Variants in USP19 observed in about 807,000 individuals in gnomAD.
USP19 encodes the protein ubiquitin specific peptidase 19, also known as ubiquitin carboxyl-terminal hydrolase 19.
USP19 carries 40 observed loss-of-function variants against 144.8 expected under a neutral mutation model. That is an observed-to-expected ratio of 0.28 (90% CI 0.21 to 0.36). The LOEUF (loss-of-function observed/expected upper bound fraction) is 0.36, where lower values mean the gene tolerates loss of function less well. USP19 is among the 10% of genes least tolerant of loss of function. USP19 has a pLI of 1.00. For synonymous variants in USP19, 701 were observed against 709.3 expected, an observed-to-expected ratio of 0.99 and a Z score of 0.19; for missense variants, 1,518 against 1,822.5, an observed-to-expected ratio of 0.83 and a Z score of 3.04.
At position 49,110,437 on chromosome 3, in the gene USP19, C is replaced by A; in HGVS notation, c.3859+7G>T. Reference sequence around the variant, plus strand: ...CCACCTATCCTGCTGGCTGTGTGTGCCCTCACCCACGTCACTGCGCTGACT... The same window carrying A: ...CCACCTATCCTGCTGGCTGTGTGTGACCTCACCCACGTCACTGCGCTGACT... On this transcript the variant is annotated splice_region_variant and intron_variant, in intron 25 of 26. Coordinates refer to ENST00000417901, the MANE Select transcript of USP19 (RefSeq NM_001199161.2). This position sits in a 1 kb window ranked among gnomAD's most constrained non-coding sequence, Gnocchi z 6.1. 6.2e-7 allele frequency: 1 copy of A among 1,613,250 alleles called. No homozygotes were observed. The highest frequency in any genetic ancestry group is 8.5e-7 in the Non-Finnish European group (1 of 1,179,510).
Position 49,110,623 on chromosome 3 carries a change from C to G in USP19, c.3699-19G>C. Reference sequence around the variant, plus strand: ...CAGGTTCCTGCAGGTCAGGTCCAGTCAGGGAGGGGTGAGACAGGCAACAGG... The same window carrying G: ...CAGGTTCCTGCAGGTCAGGTCCAGTGAGGGAGGGGTGAGACAGGCAACAGG... On this transcript the variant is annotated intron_variant, in intron 24 of 26. Coordinates refer to ENST00000417901, the MANE Select transcript of USP19 (RefSeq NM_001199161.2). The surrounding 1 kb of genome is among the most constrained non-coding windows in gnomAD (Gnocchi z 6.1). The G allele has an allele frequency of 6.2e-7, 1 of 1,613,104 alleles. No homozygotes were observed. The highest frequency in any genetic ancestry group is 8.5e-7 in the Non-Finnish European group (1 of 1,179,560).
At position 49,114,473 on chromosome 3, in the gene USP19, A is replaced by G. The variant is rs2043750412; in HGVS notation, c.2293-189T>C. 6.6e-6 allele frequency among the ~76,000 whole-genome samples: 1 copy of G among 152,134 alleles called. No individual in the cohort carries two copies. Among genetic ancestry groups the G allele is most frequent in the Admixed American group, 6.5e-5 (1 of 15,272 alleles). On this transcript the variant is annotated intron_variant, in intron 15 of 26. Transcript: ENST00000417901. This position sits in a 1 kb window ranked among gnomAD's most constrained non-coding sequence, Gnocchi z 4.5. ...GGAAATAACAATCCTTCTTTCTGGC[A>G]CTCAAAGCCCTACTCAGCTTAGCCA...
Position 49,116,504 on chromosome 3 carries a change from G to A in USP19, c.1230C>T (p.Asp410=), listed in dbSNP as rs767989983. ...GCTCACGGAAAAGTACTCTTGAGGT[G>A]TCCCTGCAGATCTCCTTCACGTACA... ...VHVYVKEICR[D]TSRVLFREQD... The change falls in exon 8 of 27, where the codon GAC becomes GAT. Residue 410 remains aspartate, a synonymous_variant. Coordinates refer to ENST00000417901, the MANE Select transcript of USP19 (RefSeq NM_001199161.2). The surrounding 1 kb of genome is among the most constrained non-coding windows in gnomAD (Gnocchi z 5.0). The A allele has an allele frequency of 1.9e-6, 3 of 1,614,104 alleles. No individual in the cohort carries two copies. The highest frequency in any genetic ancestry group is 2.5e-6 in the Non-Finnish European group (3 of 1,180,054).
chr3:49,113,846 G>C (rs951381966), intron 17 of USP19, 146 bp downstream of exon 17: 8 of 813,038 alleles, frequency 9.8e-6, no homozygotes, highest in African/African-American at 1.7e-5. Context: ...TGCCCACCTC[G>C]GCCTCACAAA....
chr3:49,116,055 G>A lies in USP19; in HGVS notation c.1463C>T (p.Ala488Val), dbSNP rs754379114. The change falls in exon 10 of 27, where the codon GCT becomes GTT. Residue 488 changes from alanine (A) to valine (V), a missense_variant. Ala to Val is a moderately conservative substitution (Grantham distance 64). Coordinates refer to ENST00000417901, the MANE Select transcript of USP19 (RefSeq NM_001199161.2). This position sits in a 1 kb window ranked among gnomAD's most constrained non-coding sequence, Gnocchi z 5.0. ...SQRWGGLEAP[A>V]ARGAVGGAKV... ...GGAGCTCGTGTGCAGACCTCGTGCA[G>A]CCGGGGCCTCCAGGCCCCCCCAGCG... 1.3e-6 allele frequency: 2 copies of A among 1,597,734 alleles called. No individual in the cohort carries two copies. Among genetic ancestry groups the A allele is most frequent in the East Asian group, 4.5e-5 (2 of 44,820 alleles).
At position 49,108,338 on chromosome 3, in the gene USP19, A is replaced by C; in HGVS notation, c.*74T>G. 1 of 489,722 alleles carries C rather than the reference A, an allele frequency of 2.0e-6. No homozygotes were observed. The highest frequency in any genetic ancestry group is 3.5e-6 in the Non-Finnish European group (1 of 286,074). The allele number at this position is 489,722 out of a possible 1,614,324, so 30.3% of individuals were successfully genotyped here. ...AGAGCCAGTGTCCTCTGGGTTAGAGAAGGAGAAGCGGCAAGGAGCTGGCCC... is the reference window on the plus strand; with the variant it reads ...AGAGCCAGTGTCCTCTGGGTTAGAGCAGGAGAAGCGGCAAGGAGCTGGCCC... On this transcript the variant is annotated 3_prime_UTR_variant, in exon 27 of 27. Coordinates refer to ENST00000417901, the MANE Select transcript of USP19 (RefSeq NM_001199161.2). The surrounding 1 kb of genome is among the most constrained non-coding windows in gnomAD (Gnocchi z 4.8).
At position 49,117,137 on chromosome 3, in the gene USP19, C is replaced by A; in HGVS notation, c.831G>T (p.Gly277=). The change falls in exon 6 of 27, where the codon GGG becomes GGT. Residue 277 remains glycine (G), a synonymous_variant. Coordinates refer to ENST00000417901, the MANE Select transcript of USP19 (RefSeq NM_001199161.2). This position sits in a 1 kb window ranked among gnomAD's most constrained non-coding sequence, Gnocchi z 4.4. ...SAKRAVHLCR[G]PEGDGSRDDP... ...CATCCCTGGACCCGTCCCCCTCTGG[C>A]CCTCTGCAGAGATGCACAGCCCTCT... 1 of 1,547,216 alleles carries A rather than the reference C, an allele frequency of 6.5e-7. No individual in the cohort carries two copies. The highest frequency in any genetic ancestry group is 8.7e-7 in the Non-Finnish European group (1 of 1,145,746).
At position 49,118,135 on chromosome 3, in the gene USP19, A is replaced by T; in HGVS notation, c.125-15T>A. 9.2e-7 allele frequency: 1 copy of T among 1,082,862 alleles called. No homozygotes were observed. Among genetic ancestry groups the T allele is most frequent in the Middle Eastern group, 2.7e-4 (1 of 3,764 alleles). The allele number at this position is 1,082,862 out of a possible 1,614,324, so 67.1% of individuals were successfully genotyped here. A position where few individuals can be genotyped will look rare whatever the true frequency, so the allele number is the denominator to read the frequency against. On this transcript the variant is annotated splice_polypyrimidine_tract_variant and intron_variant, in intron 2 of 26. Coordinates refer to ENST00000417901, the MANE Select transcript of USP19 (RefSeq NM_001199161.2). ...AGACCCTGTCTCTAAAAAAAAAATAAGAAAAATTAGTCAAGCATGGTGAGG... is the reference window on the plus strand; with the variant it reads ...AGACCCTGTCTCTAAAAAAAAAATATGAAAAATTAGTCAAGCATGGTGAGG...
rs1560014691 is a variant in USP19, at chr3:49,114,239, G to A, written c.2338C>T (p.Pro780Ser). 1 of 1,614,204 alleles carries A rather than the reference G, an allele frequency of 6.2e-7. No homozygotes were observed. Among genetic ancestry groups the A allele is most frequent in the Admixed American group, 1.7e-5 (1 of 60,028 alleles). Residue 780 changes from proline to serine, a missense_variant, in exon 16 of 27, where the codon CCA (proline) becomes TCA (serine). Pro to Ser is a moderately conservative substitution (Grantham distance 74). Around this residue, in one of 5 missense-constraint regions of USP19, gnomAD observed 413 missense variants for 515.8 expected, o/e 0.80. Transcript: ENST00000417901. The surrounding 1 kb of genome is among the most constrained non-coding windows in gnomAD (Gnocchi z 4.5). ...DPFLYLPVPLPQKQKVLPVFY... is the reference protein window; with the variant it reads ...DPFLYLPVPLSQKQKVLPVFY... ...ACAGGGAGAACCTTTTGCTTTTGTGGCAAGGGCACCGGCAGATAAAGAAAC... is the reference window on the plus strand; with the variant it reads ...ACAGGGAGAACCTTTTGCTTTTGTGACAAGGGCACCGGCAGATAAAGAAAC...
rs2043735184 is a variant in USP19, at chr3:49,114,414, C to T, written c.2293-130G>A. On this transcript the variant is annotated intron_variant, in intron 15 of 26. Transcript: ENST00000417901. The surrounding 1 kb of genome is among the most constrained non-coding windows in gnomAD (Gnocchi z 4.5). ...CACAGCCAACCAGCAAACTCTCAGG[C>T]TTCAGGACACTAGACAGGGCAGGAG... 5.1e-6 allele frequency: 4 copies of T among 781,612 alleles called. No individual in the cohort carries two copies. The South Asian group carries it at 7.0e-5, about 14-fold the overall frequency. 48.4% of individuals were successfully genotyped at this position (781,612 alleles called of 1,614,324 possible).
rs754658269 is a variant in USP19, at chr3:49,111,225, C to T, written c.3328+30G>A. 1.9e-6 allele frequency: 3 copies of T among 1,614,052 alleles called. No individual in the cohort carries two copies. The highest frequency in any genetic ancestry group is 2.5e-6 in the Non-Finnish European group (3 of 1,179,968). ...GTGGAGAACAGCCAGCTCAACCCAC[C>T]CCATGGCTCCCACCCACAGCCTCAG... On this transcript the variant is annotated intron_variant, in intron 22 of 26. Coordinates refer to ENST00000417901, the MANE Select transcript of USP19 (RefSeq NM_001199161.2). This position sits in a 1 kb window ranked among gnomAD's most constrained non-coding sequence, Gnocchi z 5.9.
chr3:49,111,082 A>G lies in USP19; in HGVS notation c.3413T>C (p.Val1138Ala). 6.2e-7 allele frequency: 1 copy of G among 1,613,994 alleles called. No individual in the cohort carries two copies. The highest frequency in any genetic ancestry group is 8.5e-7 in the Non-Finnish European group (1 of 1,180,022). The change falls in exon 23 of 27, where the codon GTA becomes GCA. Residue 1138 changes from valine to alanine, a missense_variant. Physicochemically the swap from Val to Ala is moderately conservative, Grantham distance 64 (BLOSUM62 0). Transcript: ENST00000417901. This position sits in a 1 kb window ranked among gnomAD's most constrained non-coding sequence, Gnocchi z 5.9. ...NNERLQEFVLVASKELECAED... is the reference protein window; with the variant it reads ...NNERLQEFVLAASKELECAED... ...AGCACATTCCAGCTCCTTGGAGGCT[A>G]CCAACACAAACTCCTGCAAGCGCTC...
rs1182087767 is a variant in USP19 at position 49,118,067 on chromosome 3, C to T, written c.178G>A (p.Asp60Asn). ...QAGLEPLASG[D>N]PSASASHAAG... Reference sequence around the variant, plus strand: ...GCATGGGAGGCTGAGGCAGAAGGATCACCTGAGGCCAGAGGTTCAAGACCA... The same window carrying T: ...GCATGGGAGGCTGAGGCAGAAGGATTACCTGAGGCCAGAGGTTCAAGACCA... Residue 60 changes from aspartate (D) to asparagine (N), a missense_variant, in exon 3 of 27, where the codon GAT becomes AAT. By Grantham distance (23) the Asp-to-Asn change is conservative (BLOSUM62 1). This residue lies in a region of USP19 where 707 missense variants were observed against 728.9 expected (regional missense o/e 0.97). Transcript: ENST00000417901. The T allele has an allele frequency of 2.5e-6, 4 of 1,578,892 alleles. No homozygotes were observed. Among genetic ancestry groups the T allele is most frequent in the Non-Finnish European group, 2.6e-6 (3 of 1,164,798 alleles).
chr3:49,111,832 G>A lies in USP19; in HGVS notation c.2904-19C>T, dbSNP rs746875484. On this transcript the variant is annotated intron_variant, in intron 20 of 26. Transcript: ENST00000417901. The surrounding 1 kb of genome is among the most constrained non-coding windows in gnomAD (Gnocchi z 5.9). ...AGAGTACCTGGCAACAGAGAACAAC[G>A]CAAGTAAGACTCCTGACCAGCCCAT... 20 of 1,582,796 alleles carry A rather than the reference G, an allele frequency of 1.3e-5. No homozygotes were observed. The highest frequency in any genetic ancestry group is 3.5e-5 in the Admixed American group (2 of 57,050).
rs1560042983 is a variant in USP19 at position 49,117,800 on chromosome 3, G to C, written c.329C>G (p.Ala110Gly). ...GACEDPHDLL[A>G]TPTPELLLDW... Reference sequence around the variant, plus strand: ...GAGCAACAACTCTGGAGTGGGAGTAGCCAAGAGATCATGAGGGTCTTCACA... The same window carrying C: ...GAGCAACAACTCTGGAGTGGGAGTACCCAAGAGATCATGAGGGTCTTCACA... The change falls in exon 4 of 27, where the codon GCT (alanine) becomes GGT (glycine). Residue 110 changes from alanine to glycine, a missense_variant. Physicochemically the swap from Ala to Gly is moderately conservative, Grantham distance 60. Transcript: ENST00000417901. This position sits in a 1 kb window ranked among gnomAD's most constrained non-coding sequence, Gnocchi z 4.4. 13 of 1,614,170 alleles carry C rather than the reference G, an allele frequency of 8.1e-6. No individual in the cohort carries two copies. The highest frequency in any genetic ancestry group is 8.5e-6 in the Non-Finnish European group (10 of 1,180,024).
In USP19 at chr3:49,117,500, C is replaced by T; in HGVS notation, c.543G>A (p.Lys181=). 1 of 1,614,136 alleles carries T rather than the reference C, an allele frequency of 6.2e-7. No homozygotes were observed. Among genetic ancestry groups the T allele is most frequent in the Non-Finnish European group, 8.5e-7 (1 of 1,180,044 alleles). The change falls in exon 5 of 27, where the codon AAG becomes AAA. Residue 181 remains lysine, a synonymous_variant. Coordinates refer to ENST00000417901, the MANE Select transcript of USP19 (RefSeq NM_001199161.2). This position sits in a 1 kb window ranked among gnomAD's most constrained non-coding sequence, Gnocchi z 4.4. ...GCAGTGTCAGGTGCAGGAGACTGCC[C>T]TTGCGGGTTTGCACTTTAGCACAAG... ...KSSCAKVQTR[K]GSLLHLTLPK...
In USP19 at chr3:49,108,360, G is replaced by T; in HGVS notation, c.*52C>A. 3.1e-6 allele frequency: 2 copies of T among 637,376 alleles called. No homozygotes were observed. Among genetic ancestry groups the T allele is most frequent in the Non-Finnish European group, 5.0e-6 (2 of 400,270 alleles). The allele number at this position is 637,376 out of a possible 1,614,324, so 39.5% of individuals were successfully genotyped here. A position where few individuals can be genotyped will look rare whatever the true frequency, so the allele number is the denominator to read the frequency against. ...GAGAAGGAGAAGCGGCAAGGAGCTG[G>T]CCCTCTGTGTGGGTGTCCCAAACCC... On this transcript the variant is annotated 3_prime_UTR_variant, in exon 27 of 27. Transcript: ENST00000417901. The surrounding 1 kb of genome is among the most constrained non-coding windows in gnomAD (Gnocchi z 4.8).
chr3:49,109,146 G>A, intron 26 of USP19: 5 of 1,514,006 alleles, frequency 3.3e-6, no homozygotes, highest in Non-Finnish European at 4.4e-6. Flanking sequence ...TCAGGCACCG[G>A]CTCCTCCTCA....
chr3:49,108,491 G>A lies in USP19; in HGVS notation c.4076C>T (p.Thr1359Met), dbSNP rs554012580. The A allele has an allele frequency of 3.9e-6, 5 of 1,271,680 alleles. No homozygotes were observed. Among genetic ancestry groups the A allele is most frequent in the East Asian group, 3.3e-5 (1 of 30,732 alleles). The allele number at this position is 1,271,680 out of a possible 1,614,324, so 78.8% of individuals were successfully genotyped here. A position where few individuals can be genotyped will look rare whatever the true frequency, so the allele number is the denominator to read the frequency against. Reference protein sequence around the residue: ...GPGQAPEVAPTRTAPERFAPP... With the variant: ...GPGQAPEVAPMRTAPERFAPP... ...GGCGAAGCGTTCAGGGGCTGTCCGCGTGGGGGCCACCTCGGGGGCCTGGCC... is the reference window on the plus strand; with the variant it reads ...GGCGAAGCGTTCAGGGGCTGTCCGCATGGGGGCCACCTCGGGGGCCTGGCC... The change falls in exon 27 of 27, where the codon ACG becomes ATG. Residue 1359 changes from threonine to methionine, a missense_variant. Transcript: ENST00000417901. The surrounding 1 kb of genome is among the most constrained non-coding windows in gnomAD (Gnocchi z 4.8).
Sources: gnomAD v4.1 joint callset for allele counts (sites outside exome capture counted in the v4.1 genomes callset) on GRCh38, gnomAD v4.1.1 for gene constraint, gnomAD v4.1.1 regional missense constraint, Gnocchi (gnomAD v3.1) non-coding constraint, MANE v1.5 for transcripts, NCBI Gene and HGNC (gene_info 2026-07-23, HGNC 2026-07-21) for gene names.